Variants in HOMER2 observed in about 807,000 individuals in gnomAD.
HOMER2 encodes homer protein homolog 2.
Under a neutral mutation model 47.0 loss-of-function variants are expected in HOMER2, and 27 were observed. The observed-to-expected ratio is 0.57, with a 90% CI of 0.42 to 0.79. The LOEUF (loss-of-function observed/expected upper bound fraction) is 0.79. Ranked by LOEUF, HOMER2 falls within the 30% of genes least tolerant of loss-of-function variation. HOMER2 has a pLI of 0.00. For synonymous variants in HOMER2, 161 were observed against 163.8 expected (o/e 0.98, Z 0.13); for missense variants, 443 against 435.0 (o/e 1.02, Z -0.16).
chr15:82,910,350 A>T (rs1216037592), intron 1 of HOMER2, among the ~76,000 whole-genome samples: 1 of 152,100 alleles, frequency 6.6e-6, no homozygotes, highest in Non-Finnish European at 1.5e-5. Context: ...GAAAGAAGGA[A>T]CGCTGCCGAG....
chr15:82,981,720 C>A (rs554061296), intron 1 of HOMER2, among the ~76,000 whole-genome samples: 12 of 152,240 alleles, frequency 7.9e-5, no homozygotes, highest in African/African-American at 2.4e-4. Context: ...TGTGGATGAA[C>A]CTTGAAGACC....
chr15:82,891,202 A>G (rs2621228), intron 2 of HOMER2, among the ~76,000 whole-genome samples: 94,213 of 152,004 alleles, frequency 0.62, 30,243 homozygotes, highest in East Asian at 0.83. Context: ...GCTCCAACCC[A>G]ACAAACCAGG....
At position 82,892,678 on chromosome 15, in the gene HOMER2, G is replaced by T; in HGVS notation, c.162+7C>A. 2.0e-6 allele frequency: 3 copies of T among 1,524,436 alleles called. No individual in the cohort carries two copies. Among genetic ancestry groups the T allele is most frequent in the Non-Finnish European group, 2.7e-6 (3 of 1,121,034 alleles). The allele number at this position is 1,524,436 out of a possible 1,614,324, so 94.4% of individuals were successfully genotyped here. On this transcript the variant is annotated splice_region_variant and intron_variant, in intron 2 of 8. Coordinates refer to ENST00000450735, the MANE Select transcript of HOMER2 (RefSeq NM_004839.4). ...GGGAGTATTAAAATCAGCTGAGGGG[G>T]TGGTACCTTGGCTCCGTCCACACTG...
At position 82,852,126 on chromosome 15, in the gene HOMER2, G is replaced by C. The variant is rs1567011986; in HGVS notation, c.762+16C>G. Reference sequence around the variant, plus strand: ...AGAGGACGCCAAGGGGCCCTGCTCGGAGCACCATTACTCACTGTCTCCTTT... The same window carrying C: ...AGAGGACGCCAAGGGGCCCTGCTCGCAGCACCATTACTCACTGTCTCCTTT... On this transcript the variant is annotated intron_variant, in intron 7 of 8. Coordinates refer to ENST00000450735, the MANE Select transcript of HOMER2 (RefSeq NM_004839.4). 1.9e-6 allele frequency: 3 copies of C among 1,592,408 alleles called. No individual in the cohort carries two copies. Among genetic ancestry groups the C allele is most frequent in the Non-Finnish European group, 1.7e-6 (2 of 1,160,426 alleles).
downstream of HOMER2, chr15:82,846,699 G>A (rs2051254349): frequency 6.6e-6 from 1 of 152,218 alleles, no homozygotes; most frequent in Non-Finnish European, 1.5e-5. Context: ...AAAGTCTAAT[G>A]TGATGGCAGG....
At chr15:82,846,786 G>C (rs1021077891), downstream of HOMER2, 8 of 152,204 alleles carry the variant, frequency 5.3e-5, no homozygotes, top group Admixed American at 4.6e-4. Context: ...TCCAAGGCCT[G>C]ACCATACTGT....
chr15:82,976,401 G>A (rs145650627), intron 1 of HOMER2, among the ~76,000 whole-genome samples: 4,049 of 151,874 alleles, frequency 0.027, 186 homozygotes, highest in African/African-American at 0.093. Context: ...GGGTTCAAGC[G>A]ATGCTCCTGC....
intron 1 of HOMER2, among the ~76,000 whole-genome samples, chr15:82,902,719 T>A (rs979091377): frequency 5.9e-5 from 9 of 152,180 alleles, no homozygotes; most frequent in African/African-American, 2.2e-4. Flanking sequence ...GGGTATGACT[T>A]GGAAACATTA....
intron 2 of HOMER2, among the ~76,000 whole-genome samples, chr15:82,882,441 A>G (rs992626704): frequency 6.6e-6 from 1 of 152,170 alleles, no homozygotes; most frequent in African/African-American, 2.4e-5. Context: ...CAGCCCCAAC[A>G]CTGACATGGA....
intron 1 of HOMER2, among the ~76,000 whole-genome samples, chr15:82,910,287 G>A (rs905968753): frequency 3.9e-5 from 6 of 152,164 alleles, no homozygotes; most frequent in African/African-American, 1.4e-4. Flanking sequence ...TGGTTGACTC[G>A]TGGGTTGGTA....
chr15:82,924,357 GC>G (rs2053805603), intron 1 of HOMER2, among the ~76,000 whole-genome samples: 2 of 144,140 alleles, frequency 1.4e-5, no homozygotes, highest in South Asian at 2.2e-4. Context: ...ATGTGTGCTG[GC>G]CCTTTTTTTT....
At chr15:82,964,164 C>T (rs1346435480) in intron 1 of HOMER2, among the ~76,000 whole-genome samples, 2 of 152,188 alleles carry the variant, frequency 1.3e-5, no homozygotes, top group Non-Finnish European at 2.9e-5. Flanking sequence ...AGACACTGGA[C>T]ACCAACTATA....
intron 1 of HOMER2, among the ~76,000 whole-genome samples, chr15:82,915,501 G>C (rs2053564066): frequency 6.6e-6 from 1 of 152,012 alleles, no homozygotes; most frequent in South Asian, 2.1e-4. Context: ...TTGAGCCTAG[G>C]AGTTGAAGAC....
At chr15:82,860,371 G>A (rs1348530993) in intron 4 of HOMER2, among the ~76,000 whole-genome samples, 1 of 149,492 alleles carries the variant, frequency 6.7e-6, no homozygotes, top group African/African-American at 2.4e-5. Context: ...AAAATATGGT[G>A]GGGGGGAGCA....
chr15:82,931,277 AG>A (rs1567061375), intron 1 of HOMER2, among the ~76,000 whole-genome samples: 1 of 152,170 alleles, frequency 6.6e-6, no homozygotes, highest in African/African-American at 2.4e-5. Flanking sequence ...CTTGAGAGAC[AG>A]GCCCCCTGGG....
At chr15:82,872,938 C>G (rs1187782333) in intron 3 of HOMER2, among the ~76,000 whole-genome samples, 1 of 152,168 alleles carries the variant, frequency 6.6e-6, no homozygotes, top group Admixed American at 6.5e-5. Context: ...TACTCATGTT[C>G]CATATGCATG....
chr15:82,854,368 T>G (rs1009389884), intron 6 of HOMER2, among the ~76,000 whole-genome samples: 1 of 152,014 alleles, frequency 6.6e-6, no homozygotes, highest in Non-Finnish European at 1.5e-5. Flanking sequence ...ATCGTGCCAC[T>G]GCACTCCAGC....
chr15:82,949,297 C>G (rs1439216006), intron 1 of HOMER2, among the ~76,000 whole-genome samples: 1 of 152,114 alleles, frequency 6.6e-6, no homozygotes, highest in South Asian at 2.1e-4. Flanking sequence ...GCAGGTGGGA[C>G]AGTATTACCT....
chr15:82,918,575 T>C (rs1256372153), intron 1 of HOMER2, among the ~76,000 whole-genome samples: 1 of 152,068 alleles, frequency 6.6e-6, no homozygotes, highest in East Asian at 1.9e-4. Context: ...CTCCACAGCT[T>C]TGAGGACATG....
Sources: allele counts gnomAD v4.1 joint callset (sites outside exome capture counted in the v4.1 genomes callset), GRCh38; gene constraint gnomAD v4.1.1; transcripts MANE v1.5; gene names NCBI Gene and HGNC (gene_info 2026-07-23, HGNC 2026-07-21).